The following PACRG variants were observed in gnomAD, a reference collection of about 807,000 sequenced individuals.
PACRG encodes parkin coregulated gene protein.
Under a neutral mutation model 29.7 loss-of-function variants are expected in PACRG, and 29 were observed. That is an observed-to-expected ratio of 0.98 (90% CI 0.73 to 1.33). The LOEUF (loss-of-function observed/expected upper bound fraction) is 1.33, where lower values mean the gene tolerates loss of function less well. PACRG is among the 40% of genes most tolerant of loss of function. The probability of loss-of-function intolerance (pLI) is 0.00; values close to 1 mark genes in which losing one functional copy is unlikely to be tolerated. For synonymous variants in PACRG, 116 were observed against 118.7 expected (o/e 0.98, Z 0.15); for missense variants, 279 against 316.2 (o/e 0.88, Z 0.89).
chr6:163,235,345 G>T (rs557078815), intron 4 of PACRG, among the ~76,000 whole-genome samples: 1 of 152,220 alleles, frequency 6.6e-6, no homozygotes, highest in South Asian at 2.1e-4. Context: ...GGAGACACAG[G>T]CTCCATTAAA....
At position 162,846,796 on chromosome 6, in the gene PACRG, T is replaced by C. The variant is rs532851277; in HGVS notation, c.291+32515T>C. On this transcript the variant is annotated intron_variant, in intron 2 of 4. Coordinates refer to ENST00000366888, the MANE Select transcript of PACRG (RefSeq NM_001080379.2). ...ATTCCTGTAGTGCTTCAGTTCACAT[T>C]ATGCTCCCCACTGTTGTCTGTGCTC... Among the ~76,000 whole-genome samples, 4 of 152,374 alleles carry C rather than the reference T, an allele frequency of 2.6e-5. 1 individual carries two copies. In the Middle Eastern group the frequency reaches 0.014, roughly 518 times the overall value.
At chr6:162,918,593 C>T (rs1016139882) in intron 2 of PACRG, among the ~76,000 whole-genome samples, 5 of 151,816 alleles carry the variant, frequency 3.3e-5, no homozygotes, top group Admixed American at 1.3e-4. Context: ...AAAGGGGGTG[C>T]GTGTTTCTAG....
intron 4 of PACRG, among the ~76,000 whole-genome samples, chr6:163,303,305 C>G (rs921772759): frequency 6.6e-6 from 1 of 151,946 alleles, no homozygotes; most frequent in East Asian, 1.9e-4. Flanking sequence ...GCCTGGGTGA[C>G]AGCGTGAGAC....
chr6:163,196,503 T>C (rs1488141378), intron 4 of PACRG, among the ~76,000 whole-genome samples: 1 of 152,212 alleles, frequency 6.6e-6, no homozygotes, highest in Non-Finnish European at 1.5e-5. Context: ...CAGCAGGGTT[T>C]GAGGCAACAT....
At chr6:162,863,065 A>G (rs1791996321) in intron 2 of PACRG, among the ~76,000 whole-genome samples, 1 of 152,202 alleles carries the variant, frequency 6.6e-6, no homozygotes, top group African/African-American at 2.4e-5. Context: ...ACTACTCAGT[A>G]TAGAGTGGAA....
At chr6:162,827,285 T>C (rs1788369432) in intron 2 of PACRG, among the ~76,000 whole-genome samples, 1 of 152,184 alleles carries the variant, frequency 6.6e-6, no homozygotes, top group African/African-American at 2.4e-5. Context: ...AACACTGCAT[T>C]ATTCTAACTT....
At chr6:163,102,505 C>G (rs572080610) in intron 4 of PACRG, among the ~76,000 whole-genome samples, 1 of 152,190 alleles carries the variant, frequency 6.6e-6, no homozygotes, top group Non-Finnish European at 1.5e-5. Context: ...GAGAGTCTCC[C>G]TCTCTGGGCT....
chr6:162,775,192 C>T (rs567972056), intron 1 of PACRG, among the ~76,000 whole-genome samples: 1 of 152,146 alleles, frequency 6.6e-6, no homozygotes, highest in Admixed American at 6.5e-5. Context: ...GAAAGTGGAC[C>T]CGCAGCAGAC....
chr6:163,075,708 A>G (rs1363341831), intron 3 of PACRG, among the ~76,000 whole-genome samples: 1 of 152,216 alleles, frequency 6.6e-6, no homozygotes, highest in African/African-American at 2.4e-5. Flanking sequence ...CATGTATTTA[A>G]AACAAACTGA....
At chr6:163,078,974 C>T (rs1057269614) in intron 3 of PACRG, among the ~76,000 whole-genome samples, 10 of 152,034 alleles carry the variant, frequency 6.6e-5, no homozygotes, top group Admixed American at 2.0e-4. Flanking sequence ...CCTGTGGGTA[C>T]GCTGGGAGGG....
At chr6:163,256,933 A>T (rs1028449561) in intron 4 of PACRG, among the ~76,000 whole-genome samples, 2 of 152,024 alleles carry the variant, frequency 1.3e-5, no homozygotes, top group East Asian at 1.9e-4. Flanking sequence ...GGCAGGGGGA[A>T]CCCTGGATCC....
At chr6:162,811,658 A>C (rs1436988113) in intron 1 of PACRG, among the ~76,000 whole-genome samples, 2 of 152,136 alleles carry the variant, frequency 1.3e-5, no homozygotes, top group Non-Finnish European at 2.9e-5. Context: ...TCTACAAAAA[A>C]TTTTGCAACT....
At chr6:163,105,305 A>T (rs1815320740) in intron 4 of PACRG, among the ~76,000 whole-genome samples, 1 of 152,180 alleles carries the variant, frequency 6.6e-6, no homozygotes, top group African/African-American at 2.4e-5. Flanking sequence ...CCATTATAAA[A>T]ACCTGCGAGA....
chr6:163,292,602 A>ATTTATTTATTTGTTTG (rs35254999), intron 4 of PACRG, among the ~76,000 whole-genome samples: 1 of 150,040 alleles, frequency 6.7e-6, no homozygotes, highest in African/African-American at 2.5e-5. Context: ...TTATTTATTT[A>ATTTATTTATTTGTTTG]TTAGTAGAGA....
intron 4 of PACRG, among the ~76,000 whole-genome samples, chr6:163,099,269 AC>A (rs1814869830): frequency 6.6e-6 from 1 of 152,178 alleles, no homozygotes; most frequent in Admixed American, 6.5e-5. Context: ...CTAGCTGGGA[AC>A]TGGCACATTT....
intron 4 of PACRG, chr6:163,101,434 A>G (rs1195388729): frequency 6.4e-6 from 6 of 936,698 alleles, no homozygotes; most frequent in Middle Eastern, 5.5e-4. Flanking sequence ...ATGAGTCTTT[A>G]TTTATTATAA....
rs573311975 is a variant in PACRG, at chr6:162,821,220, C to A, written c.291+6939C>A. 5.9e-5 allele frequency among the ~76,000 whole-genome samples: 9 copies of A among 152,294 alleles called. No individual in the cohort carries two copies. In the South Asian group the frequency reaches 1.9e-3, roughly 32 times the overall value. ...GGTTCACTTTTATGTAGCAGAGCTG[C>A]TTGTAGCAAGCCTGCAGAAACAATT... On this transcript the variant is annotated intron_variant, in intron 2 of 4. Coordinates refer to ENST00000366888, the MANE Select transcript of PACRG (RefSeq NM_001080379.2).
At chr6:162,872,372 C>A (rs1227441018) in intron 2 of PACRG, among the ~76,000 whole-genome samples, 1 of 152,188 alleles carries the variant, frequency 6.6e-6, no homozygotes, top group Non-Finnish European at 1.5e-5. Flanking sequence ...TAAATCTTAT[C>A]TCTAGCAGTT....
intron 4 of PACRG, among the ~76,000 whole-genome samples, chr6:163,297,299 A>T (rs1784813197): frequency 6.6e-6 from 1 of 152,244 alleles, no homozygotes; most frequent in South Asian, 2.1e-4. Flanking sequence ...ATACTTCTTC[A>T]GTGGAGGTCA....
Sources: gnomAD v4.1 joint callset for allele counts (sites outside exome capture counted in the v4.1 genomes callset) on GRCh38, gnomAD v4.1.1 for gene constraint, MANE v1.5 for transcripts, NCBI Gene and HGNC (gene_info 2026-07-23, HGNC 2026-07-21) for gene names.